The following NHSL1 variants were observed in gnomAD, a reference collection of about 807,000 sequenced individuals.
NHSL1 encodes NHS like 1.
Under a neutral mutation model 95.0 loss-of-function variants are expected in NHSL1, and 48 were observed. The ratio of observed to expected loss-of-function variants is 0.51; its 90% CI spans 0.40 to 0.64. The LOEUF (loss-of-function observed/expected upper bound fraction) is 0.64. Among genes scored for constraint, NHSL1 ranks in the 30% least tolerant of loss-of-function variants. The pLI is 0.00. For missense variants in NHSL1, 1,971 were observed against 2,077.7 expected (o/e 0.95, Z 1.00); for synonymous variants, 783 against 833.9 (o/e 0.94, Z 1.05).
chr6:138,477,280 T>C (rs1779135071), intron 2 of NHSL1, among the ~76,000 whole-genome samples: 1 of 152,214 alleles, frequency 6.6e-6, no homozygotes, highest in South Asian at 2.1e-4. Flanking sequence ...GTTTTATTTG[T>C]TTCATTAAAT....
At chr6:138,617,826 C>G (rs1784601521) in intron 1 of NHSL1, among the ~76,000 whole-genome samples, 1 of 152,220 alleles carries the variant, frequency 6.6e-6, no homozygotes, top group African/African-American at 2.4e-5. Flanking sequence ...CAGATCTCAA[C>G]ACAGTCCATC....
chr6:138,571,686 T>C (rs1285821120), intron 1 of NHSL1: 1 of 1,548,102 alleles, frequency 6.5e-7, no homozygotes, highest in South Asian at 1.2e-5. Flanking sequence ...TTCAAATGTT[T>C]AAATTTTTTA....
chr6:138,425,536 T>C (rs1775207086), intron 7 of NHSL1, among the ~76,000 whole-genome samples: 1 of 152,156 alleles, frequency 6.6e-6, no homozygotes, highest in African/African-American at 2.4e-5. Flanking sequence ...CCCTCCCTAT[T>C]TGAAACAAAT....
At chr6:138,671,179 G>A (rs907868743) in intron 1 of NHSL1, among the ~76,000 whole-genome samples, 2 of 151,828 alleles carry the variant, frequency 1.3e-5, no homozygotes, top group African/African-American at 2.4e-5. Context: ...AAAATAGGTC[G>A]GGCGTGGTGG....
intron 1 of NHSL1, among the ~76,000 whole-genome samples, chr6:138,627,164 C>T (rs199805403): frequency 1.2e-4 from 18 of 152,206 alleles, no homozygotes; most frequent in East Asian, 9.7e-4. Flanking sequence ...CAAACCTGTT[C>T]CCAAAAGGAA....
rs10632082 is a variant in NHSL1 at position 138,663,062 on chromosome 6, C to CAA, written c.96+29412_96+29413dup. On this transcript the variant is annotated intron_variant, in intron 1 of 3. Transcript: ENST00000491526. Reference sequence around the variant, plus strand: ...GCAAATATGTTCACCGAACTCACGGCAAAAAAAAAAAGAAAAAGAAATATT... The same window carrying CAA: ...GCAAATATGTTCACCGAACTCACGGCAAAAAAAAAAAAAGAAAAAGAAATATT... 5.5e-5 allele frequency among the ~76,000 whole-genome samples: 7 copies of CAA among 126,698 alleles called. 1 individual carries two copies. Among genetic ancestry groups the CAA allele is most frequent in the East Asian group, 2.2e-4 (1 of 4,450 alleles). The allele number at this position is 126,698 out of a possible 152,430, so 83.1% of individuals were successfully genotyped here. A position where few individuals can be genotyped will look rare whatever the true frequency, so the allele number is the denominator to read the frequency against.
Position 138,600,105 on chromosome 6 carries a change from C to T in NHSL1, c.96+92371G>A, listed in dbSNP as rs1784352686. 2.6e-5 allele frequency among the ~76,000 whole-genome samples: 4 copies of T among 152,100 alleles called. No individual in the cohort carries two copies. The South Asian group carries it at 8.3e-4, about 32-fold the overall frequency. On this transcript the variant is annotated intron_variant, in intron 1 of 3. Transcript: ENST00000491526. The stretch of plus-strand genomic sequence containing the variant: ...GTTGCAGTGAACCAAGATTGCACCA[C>T]TGCACGCCAGCCTGGGCAACAGAGC...
intron 1 of NHSL1, among the ~76,000 whole-genome samples, chr6:138,624,856 T>C (rs1284354465): frequency 6.6e-6 from 1 of 152,202 alleles, no homozygotes; most frequent in African/African-American, 2.4e-5. Context: ...CCAAATTTCT[T>C]ATAATAGCTA....
At chr6:138,642,434 C>A (rs1484504594) in intron 1 of NHSL1, among the ~76,000 whole-genome samples, 1 of 152,070 alleles carries the variant, frequency 6.6e-6, no homozygotes, top group East Asian at 1.9e-4. Flanking sequence ...GAAGAACCAT[C>A]TAAGAGGAAA....
intron 4 of NHSL1, among the ~76,000 whole-genome samples, chr6:138,442,847 TC>T (rs1442206635): frequency 6.6e-6 from 1 of 152,186 alleles, no homozygotes; most frequent in Non-Finnish European, 1.5e-5. Context: ...CTTCTTTTTT[TC>T]CTTCTAGAGT....
chr6:138,644,877 A>C (rs1433324116), intron 1 of NHSL1, among the ~76,000 whole-genome samples: 1 of 152,206 alleles, frequency 6.6e-6, no homozygotes, highest in Non-Finnish European at 1.5e-5. Flanking sequence ...ATCTATAGGC[A>C]CAGATTTAAG....
chr6:138,450,981 C>A (rs969883386), intron 3 of NHSL1, among the ~76,000 whole-genome samples: 3 of 152,162 alleles, frequency 2.0e-5, no homozygotes, highest in African/African-American at 7.2e-5. Context: ...CCCTTGTTGA[C>A]CATCCTCCCC....
chr6:138,439,336 G>A (rs1181723811), intron 5 of NHSL1, among the ~76,000 whole-genome samples: 18 of 152,040 alleles, frequency 1.2e-4, no homozygotes, highest in Non-Finnish European at 1.5e-5. Context: ...TCCCTTGTGT[G>A]TCTTATATCT....
chr6:138,441,412 AAC>A (rs1776515067), intron 5 of NHSL1, among the ~76,000 whole-genome samples: 1 of 152,238 alleles, frequency 6.6e-6, no homozygotes, highest in Non-Finnish European at 1.5e-5. Context: ...TCACCAGCCA[AAC>A]ACAGATTGAA....
chr6:138,474,210 CAAAGGGGCATTTGCCTCAAA>C (rs1342580343), intron 2 of NHSL1, among the ~76,000 whole-genome samples: 2 of 152,182 alleles, frequency 1.3e-5, no homozygotes, highest in Non-Finnish European at 2.9e-5. Flanking sequence ...CCAAGATGCA[CAAAGGGGCATTTGCCTCAAA>C]AAAGGATTTG....
chr6:138,506,011 C>G (rs1407357170), intron 1 of NHSL1, among the ~76,000 whole-genome samples: 1 of 152,168 alleles, frequency 6.6e-6, no homozygotes, highest in Non-Finnish European at 1.5e-5. Context: ...AATCTATAGA[C>G]ACACCCATTC....
chr6:138,637,842 A>G (rs775438952), intron 1 of NHSL1, among the ~76,000 whole-genome samples: 8 of 152,250 alleles, frequency 5.3e-5, no homozygotes, highest in Non-Finnish European at 8.8e-5. Context: ...CTAAAAATAG[A>G]ACTACAATAT....
At chr6:138,443,836 A>G (rs1246142130) in intron 4 of NHSL1, among the ~76,000 whole-genome samples, 2 of 152,130 alleles carry the variant, frequency 1.3e-5, no homozygotes, top group Non-Finnish European at 2.9e-5. Context: ...ATATCAAAAA[A>G]TAAAATAAAA....
chr6:138,543,292 A>G (rs1448016555), intron 1 of NHSL1, among the ~76,000 whole-genome samples: 1 of 152,194 alleles, frequency 6.6e-6, no homozygotes, highest in Admixed American at 6.5e-5. Flanking sequence ...TGTTGCACAT[A>G]CAAAATGCAG....
Sources: gnomAD v4.1 joint callset for allele counts (sites outside exome capture counted in the v4.1 genomes callset) on GRCh38, gnomAD v4.1.1 for gene constraint, MANE v1.5 for transcripts, NCBI Gene and HGNC (gene_info 2026-07-23, HGNC 2026-07-21) for gene names.